The following PREP variants were observed in gnomAD, a reference collection of about 807,000 sequenced individuals.
PREP encodes prolyl endopeptidase.
Under a neutral mutation model 87.6 loss-of-function variants are expected in PREP, and 29 were observed. The ratio of observed to expected loss-of-function variants is 0.33; its 90% confidence interval spans 0.25 to 0.45. The LOEUF is 0.45. Among genes scored for constraint, PREP ranks in the 20% least tolerant of loss-of-function variants. The pLI is 1.00. For synonymous variants in PREP, 337 were observed against 328.6 expected (o/e 1.03, Z -0.28); for missense variants, 695 against 886.5 (o/e 0.78, Z 2.74).
intron 6 of PREP, among the ~76,000 whole-genome samples, chr6:105,353,404 T>G (rs1772008711): frequency 6.6e-6 from 1 of 152,218 alleles, no homozygotes; most frequent in Non-Finnish European, 1.5e-5. Flanking sequence ...TCCATCATTT[T>G]GAATATAATA....
rs1769919460 is a variant in PREP, at chr6:105,275,760, G to C, written c.*2384C>G. ...TGGAATATGATTTAGCCATGAAAAA[G>C]ACTGAGATCCTGTCATTTGCAGCAA... On this transcript the variant is annotated 3_prime_UTR_variant, in exon 15 of 15. Transcript: ENST00000652536. Among the ~76,000 whole-genome samples the C allele has an allele frequency of 6.6e-6, 1 of 152,176 alleles. No individual in the cohort carries two copies.
At chr6:105,395,787 C>G (rs937026399) in intron 2 of PREP, among the ~76,000 whole-genome samples, 1 of 152,230 alleles carries the variant, frequency 6.6e-6, no homozygotes, top group Non-Finnish European at 1.5e-5. Flanking sequence ...CCATCAAAGG[C>G]TGTAGAAATC....
intron 7 of PREP, among the ~76,000 whole-genome samples, chr6:105,352,577 C>G (rs1265009468): frequency 6.6e-6 from 1 of 152,190 alleles, no homozygotes; most frequent in Non-Finnish European, 1.5e-5. Flanking sequence ...TCTCCAACTC[C>G]TGGCCCCAAG....
intron 10 of PREP, 70 bp downstream of exon 10, chr6:105,323,595 C>G: frequency 7.5e-7 from 1 of 1,327,934 alleles, no homozygotes; most frequent in Admixed American, 1.7e-5. Flanking sequence ...TGATAAGCTA[C>G]AGTGTGAATG....
intron 8 of PREP, among the ~76,000 whole-genome samples, 194 bp downstream of exon 8, chr6:105,333,120 A>G (rs1771380969): frequency 6.6e-6 from 1 of 152,226 alleles, no homozygotes; most frequent in Non-Finnish European, 1.5e-5. Flanking sequence ...GCATTTCTAC[A>G]TGATATAGTA....
Position 105,328,896 on chromosome 6 carries a change from A to G in PREP, c.1146T>C (p.Ile382=). Residue 382 remains isoleucine, a synonymous_variant, in exon 9 of 15, where the codon ATT becomes ATC. Transcript: ENST00000652536. ...CCTTCTTCTGACCGCTGTACCCTAC[A>G]ATGCTGCCGACATCGAGCGGGAAGG... The part of the protein sequence containing the change: ...LKTFPLDVGS[I]VGYSGQKKDT... The G allele has an allele frequency of 1.9e-6, 3 of 1,614,160 alleles. No homozygotes were observed. Among genetic ancestry groups the G allele is most frequent in the Middle Eastern group, 1.6e-4 (1 of 6,062 alleles).
rs772090352 is a variant in PREP at position 105,278,234 on chromosome 6, C to T, written c.2043G>A (p.Gly681=). 10 of 1,614,206 alleles carry T rather than the reference C, an allele frequency of 6.2e-6. No homozygotes were observed. The African/African-American group carries it at 6.7e-5, about 11-fold the overall frequency. ...TCACTTTGGCTGTGGGCTTCCCCGC[C>T]CCGTGGCCCGCCTTGGTGTCCACGT... ...LIHVDTKAGH[G]AGKPTAKVIE... is the part of the protein sequence containing the mutation. The change falls in exon 15 of 15, where the codon GGG becomes GGA. Residue 681 remains glycine, a synonymous_variant. Coordinates refer to ENST00000652536, the MANE Select transcript of PREP (RefSeq NM_002726.5). The surrounding 1 kb of genome is among the most constrained non-coding windows in gnomAD (Gnocchi z 4.2).
chr6:105,388,853 G>A (rs1476759331), intron 2 of PREP, among the ~76,000 whole-genome samples: 1 of 152,176 alleles, frequency 6.6e-6, no homozygotes, highest in East Asian at 1.9e-4. Flanking sequence ...GGCCAGCTCT[G>A]CCAGTGGGGT....
intron 2 of PREP, among the ~76,000 whole-genome samples, chr6:105,383,740 G>T (rs1186043091): frequency 1.3e-5 from 2 of 152,086 alleles, no homozygotes; most frequent in African/African-American, 4.8e-5. Context: ...GGAGGAAGCA[G>T]AAACCGTCAC....
chr6:105,322,340 T>C (rs576835960), intron 10 of PREP: 15 of 925,014 alleles, frequency 1.6e-5, no homozygotes, highest in African/African-American at 1.8e-5. Flanking sequence ...ATCTTGAATA[T>C]ACCTTATCTC....
Position 105,376,154 on chromosome 6 carries a change from A to T in PREP, c.356T>A (p.Leu119Gln). The change falls in exon 4 of 15, where the codon CTG (leucine) becomes CAG (glutamine). Residue 119 changes from leucine to glutamine, a missense_variant. This residue lies in a region of PREP where 517 missense variants were observed against 620.3 expected (regional missense o/e 0.83). Transcript: ENST00000652536. ...EARVFLDPNI[L>Q]SDDGTVALRG... ...GAGTGCCACTGTGCCATCGTCAGAC[A>T]GTATGTTGGGGTCCAGGAACACTCT... The T allele has an allele frequency of 1.2e-6, 2 of 1,613,826 alleles. No individual in the cohort carries two copies. The highest frequency in any genetic ancestry group is 8.5e-7 in the Non-Finnish European group (1 of 1,179,790).
intron 1 of PREP, among the ~76,000 whole-genome samples, chr6:105,401,183 A>G (rs1289849404): frequency 6.6e-6 from 1 of 152,248 alleles, no homozygotes. Context: ...CCTTTCATGA[A>G]ATATCAAACA....
intron 7 of PREP, among the ~76,000 whole-genome samples, chr6:105,338,317 A>G (rs1771531995): frequency 6.6e-6 from 1 of 152,238 alleles, no homozygotes; most frequent in Non-Finnish European, 1.5e-5. Flanking sequence ...TCACTAAAGT[A>G]TGCACCAAAG....
In PREP at chr6:105,381,889, T is replaced by C. The variant is rs115241575; in HGVS notation, c.121-4370A>G. On this transcript the variant is annotated intron_variant, in intron 2 of 14. Transcript: ENST00000652536. ...TAGCTGTCATGTGAAGTGTTCGTACTGCAATTTAAAAAAGAAAAAGAAAAG... is the reference window on the plus strand; with the variant it reads ...TAGCTGTCATGTGAAGTGTTCGTACCGCAATTTAAAAAAGAAAAAGAAAAG... 2.9e-3 allele frequency among the ~76,000 whole-genome samples: 440 copies of C among 152,320 alleles called. 2 individuals carry two copies. Among genetic ancestry groups the C allele is most frequent in the African/African-American group, 0.01 (425 of 41,556 alleles).
At chr6:105,388,126 G>C (rs1205463202) in intron 2 of PREP, among the ~76,000 whole-genome samples, 1 of 152,172 alleles carries the variant, frequency 6.6e-6, no homozygotes, top group Non-Finnish European at 1.5e-5. Context: ...GCAGGTAGCT[G>C]TGCTGCCACT....
chr6:105,286,919 C>T (rs970253011), intron 11 of PREP, among the ~76,000 whole-genome samples: 1 of 216 alleles, frequency 4.6e-3, no homozygotes, highest in Admixed American at 0.056. Flanking sequence ...TGTCTTGATC[C>T]TGGACCACCT....
At chr6:105,297,854 G>A (rs982916245) in intron 10 of PREP, among the ~76,000 whole-genome samples, 2 of 152,114 alleles carry the variant, frequency 1.3e-5, no homozygotes, top group African/African-American at 4.8e-5. Context: ...CAGACTACAA[G>A]CACCACCAAA....
chr6:105,335,376 A>G (rs1430987818), intron 7 of PREP, among the ~76,000 whole-genome samples: 1 of 152,214 alleles, frequency 6.6e-6, no homozygotes, highest in Non-Finnish European at 1.5e-5. Context: ...TCTCAAGGCA[A>G]TTTTACATTC....
chr6:105,388,429 A>C (rs1583103554), intron 2 of PREP, among the ~76,000 whole-genome samples: 1 of 131,234 alleles, frequency 7.6e-6, no homozygotes, highest in East Asian at 2.6e-4. Flanking sequence ...GCCCAGAATC[A>C]GTTTTTGCCG....
Sources: gnomAD v4.1 joint callset for allele counts (sites outside exome capture counted in the v4.1 genomes callset) on GRCh38, gnomAD v4.1.1 for gene constraint, gnomAD v4.1.1 regional missense constraint, Gnocchi (gnomAD v3.1) non-coding constraint, MANE v1.5 for transcripts, NCBI Gene and HGNC (gene_info 2026-07-23, HGNC 2026-07-21) for gene names.